Variants in CNKSR2 observed in about 807,000 individuals in gnomAD.
The protein encoded by CNKSR2 is connector enhancer of kinase suppressor of Ras 2.
CNKSR2 carries 14 observed loss-of-function variants against 84.4 expected under a neutral mutation model. That is an observed-to-expected ratio of 0.17 (90% CI 0.11 to 0.26). CNKSR2 has a LOEUF of 0.26. Among genes scored for constraint, CNKSR2 ranks in the 10% least tolerant of loss-of-function variants. The pLI is 1.00. For missense variants in CNKSR2, 485 were observed against 771.2 expected, an observed-to-expected ratio of 0.63 and a Z score of 4.40; for synonymous variants, 275 against 277.9, an observed-to-expected ratio of 0.99 and a Z score of 0.10.
intron 3 of CNKSR2, among the ~76,000 whole-genome samples, chrX:21,436,699 A>ATTTTTG (rs1282887498): frequency 9.0e-6 from 1 of 110,884 alleles, no homozygotes; most frequent in Non-Finnish European, 1.9e-5. Context: ...CAGTTTCTTT[A>ATTTTTG]TTTTTGTTTT....
chrX:21,621,738 C>T (rs2092602588), intron 20 of CNKSR2, among the ~76,000 whole-genome samples: 1 of 110,901 alleles, frequency 9.0e-6, no homozygotes, highest in South Asian at 3.8e-4. Flanking sequence ...GTAAGACACA[C>T]TGCCCAGGGT....
intron 1 of CNKSR2, among the ~76,000 whole-genome samples, chrX:21,383,534 A>G (rs1177954734): frequency 8.9e-6 from 1 of 112,485 alleles, no homozygotes; most frequent in Non-Finnish European, 1.9e-5. Flanking sequence ...AACTAATATC[A>G]AGTATAGCAT....
At chrX:21,404,597 T>A (rs1210908275) in intron 1 of CNKSR2, among the ~76,000 whole-genome samples, 1 of 108,724 alleles carries the variant, frequency 9.2e-6, no homozygotes, top group Admixed American at 1.0e-4. Flanking sequence ...GAGACCAGCC[T>A]GGCCAAAATG....
At chrX:21,375,901 T>C (rs2089806052) in intron 1 of CNKSR2, among the ~76,000 whole-genome samples, 2 of 111,331 alleles carry the variant, frequency 1.8e-5, no homozygotes, top group Non-Finnish European at 3.8e-5. Flanking sequence ...AAGGGGCTTG[T>C]AGAGGACTCC....
At chrX:21,484,880 C>A (rs1253060647) in intron 5 of CNKSR2, among the ~76,000 whole-genome samples, 1 of 111,699 alleles carries the variant, frequency 9.0e-6, no homozygotes, top group Non-Finnish European at 1.9e-5. Context: ...TTCTGCATTT[C>A]TTTTTTAAAA....
At chrX:21,630,710 CAT>C (rs1258213584) in intron 20 of CNKSR2, among the ~76,000 whole-genome samples, 2 of 107,501 alleles carry the variant, frequency 1.9e-5, no homozygotes, top group Non-Finnish European at 3.9e-5. Context: ...CACACACACA[CAT>C]ACATATATAT....
At chrX:21,532,183 A>G (rs758415336) in intron 11 of CNKSR2, 116 bp downstream of exon 11, 2 of 451,735 alleles carry the variant, frequency 4.4e-6, no homozygotes, top group African/African-American at 5.0e-5. Flanking sequence ...AATCTTTATA[A>G]TTGATCTGTC....
chrX:21,638,896 C>A lies in CNKSR2; in HGVS notation c.2693-9935C>A, dbSNP rs145979604. Among the ~76,000 whole-genome samples the A allele has an allele frequency of 5.7e-3, 630 of 111,491 alleles. 2 individuals carry two copies. The highest frequency in any genetic ancestry group is 0.019 in the African/African-American group (596 of 30,725). On this transcript the variant is annotated intron_variant, in intron 20 of 21. Transcript: ENST00000379510. ...GGGGTCTCACTATGTTGCCCAGGCT[C>A]GTCTCAAACTGCTGGCCTCAAGTGA...
intron 7 of CNKSR2, among the ~76,000 whole-genome samples, chrX:21,498,802 G>A (rs1441125006): frequency 9.1e-6 from 1 of 109,739 alleles, no homozygotes; most frequent in Non-Finnish European, 1.9e-5. Flanking sequence ...AGCAGGTACT[G>A]AGCTTTGAAT....
chrX:21,539,214 C>T (rs2091955587), intron 11 of CNKSR2, among the ~76,000 whole-genome samples: 1 of 111,437 alleles, frequency 9.0e-6, no homozygotes. Context: ...TTTCTTTTAT[C>T]TCTGACTGGA....
Position 21,374,491 on chromosome X carries a change from A to C in CNKSR2, c.-407A>C, listed in dbSNP as rs2089765890. 5.3e-6 allele frequency: 2 copies of C among 373,975 alleles called. No individual in the cohort carries two copies. The highest frequency in any genetic ancestry group is 8.0e-5 in the Admixed American group (2 of 25,006). 30.8% of individuals were successfully genotyped at this position (373,975 alleles called of 1,213,427 possible). A position where few individuals can be genotyped will look rare whatever the true frequency, so the allele number is the denominator to read the frequency against. On this transcript the variant is annotated 5_prime_UTR_variant, in exon 1 of 22. Coordinates refer to ENST00000379510, the MANE Select transcript of CNKSR2 (RefSeq NM_014927.5). ...GTGAGGCGAGCGGGCAAGTTGGCTG[A>C]GGGCGTGCGGCAGAGGCTGCTTCCC...
intron 8 of CNKSR2, among the ~76,000 whole-genome samples, chrX:21,508,180 A>C (rs145262437): frequency 3.5e-3 from 389 of 111,574 alleles, no homozygotes; most frequent in African/African-American, 0.012. Context: ...ATTTTTAAAA[A>C]TTAGCCAAGT....
intron 11 of CNKSR2, among the ~76,000 whole-genome samples, chrX:21,554,389 A>G (rs761182720): frequency 2.8e-3 from 314 of 111,085 alleles, no homozygotes; most frequent in Non-Finnish European, 5.0e-3. Flanking sequence ...ACATAGGTAA[A>G]CCTGTGTCAT....
intron 9 of CNKSR2, 26 bp from the exon 10 acceptor site, chrX:21,526,841 T>C: frequency 1.7e-6 from 2 of 1,166,444 alleles, no homozygotes; most frequent in Middle Eastern, 2.4e-4. Context: ...TGTGTGCGTA[T>C]GTATTTTCTT....
At chrX:21,526,812 T>C (rs1188310578) in intron 9 of CNKSR2, 55 bp from the exon 10 acceptor site, 2 of 931,044 alleles carry the variant, frequency 2.1e-6, no homozygotes, top group Non-Finnish European at 3.1e-6. Flanking sequence ...TTGTTGTTGT[T>C]GTTGTTTTGT....
At chrX:21,395,487 C>T (rs1295354417) in intron 1 of CNKSR2, among the ~76,000 whole-genome samples, 7 of 110,307 alleles carry the variant, frequency 6.3e-5, no homozygotes, top group Non-Finnish European at 1.3e-4. Flanking sequence ...GGATGATCGG[C>T]TCTGAGCCAT....
chrX:21,579,777 T>C (rs760900983), intron 13 of CNKSR2, among the ~76,000 whole-genome samples: 1 of 111,818 alleles, frequency 8.9e-6, no homozygotes, highest in South Asian at 3.7e-4. Context: ...GCACAAATAG[T>C]ATACCCTTCC....
At position 21,374,632 on chromosome X, in the gene CNKSR2, C is replaced by CAG. The variant is rs1399933937; in HGVS notation, c.-266_-265insAG. The CAG allele has an allele frequency of 3.0e-3, 1,487 of 500,252 alleles. 27 individuals are homozygous for CAG. Among genetic ancestry groups the CAG allele is most frequent in the African/African-American group, 0.029 (1,250 of 42,454 alleles). The allele number at this position is 500,252 out of a possible 1,213,427, so 41.2% of individuals were successfully genotyped here. A position where few individuals can be genotyped will look rare whatever the true frequency, so the allele number is the denominator to read the frequency against. The stretch of plus-strand genomic sequence containing the variant: ...GCAGCAGCAGCAGCAGCAGCAGCAG[C>CAG]CGCCGCCGCCGCCGCCTTAGCGGGA... On this transcript the variant is annotated 5_prime_UTR_variant, in exon 1 of 22. Transcript: ENST00000379510.
chrX:21,608,884 A>G (rs750065358), intron 19 of CNKSR2, among the ~76,000 whole-genome samples, 187 bp from the exon 20 acceptor site: 1 of 111,882 alleles, frequency 8.9e-6, no homozygotes, highest in East Asian at 2.8e-4. Context: ...CAATACATCC[A>G]TGTCTCTGTC....
Sources: gnomAD v4.1 joint callset for allele counts (sites outside exome capture counted in the v4.1 genomes callset) on GRCh38, gnomAD v4.1.1 for gene constraint, MANE v1.5 for transcripts, NCBI Gene and HGNC (gene_info 2026-07-23, HGNC 2026-07-21) for gene names.